CACNG8: variants seen among roughly 807,000 people sequenced by gnomAD.
The protein encoded by CACNG8 is calcium voltage-gated channel auxiliary subunit gamma 8, also known as voltage-dependent calcium channel gamma-8 subunit.
Under a neutral mutation model 26.9 loss-of-function variants are expected in CACNG8, and 5 were observed. That is an observed-to-expected ratio of 0.19 (90% CI 0.10 to 0.39). CACNG8 has a LOEUF of 0.39. Among genes scored for constraint, CACNG8 ranks in the 10% least tolerant of loss-of-function variants. The probability of loss-of-function intolerance (pLI) is 1.00; values close to 1 mark genes in which losing one functional copy is unlikely to be tolerated. For missense variants in CACNG8, 473 were observed against 609.4 expected (o/e 0.78, Z 2.36); for synonymous variants, 321 against 296.7 (o/e 1.08, Z -0.84).
intron 3 of CACNG8, among the ~76,000 whole-genome samples, chr19:53,981,684 G>T (rs945463081): frequency 3.9e-5 from 6 of 152,106 alleles, no homozygotes; most frequent in Admixed American, 2.0e-4. Flanking sequence ...ACCATCTGAG[G>T]GGGTGCTTGA....
At chr19:53,963,478 C>T in intron 1 of CACNG8, 53 bp downstream of exon 1, 1 of 1,408,176 alleles carries the variant, frequency 7.1e-7, no homozygotes, top group Non-Finnish European at 9.2e-7. Flanking sequence ...TCCGAGAGAC[C>T]CTGAGCCTCC....
Position 53,979,815 on chromosome 19 carries a change from G to A in CACNG8, c.368-52G>A, listed in dbSNP as rs376113946. 8.7e-5 allele frequency: 132 copies of A among 1,511,280 alleles called. No individual in the cohort carries two copies. The African/African-American group carries it at 1.8e-3, about 21-fold the overall frequency. 93.6% of individuals were successfully genotyped at this position (1,511,280 alleles called of 1,614,324 possible). On this transcript the variant is annotated intron_variant, in intron 2 of 3. Transcript: ENST00000270458. Reference sequence around the variant, plus strand: ...GGCCGGGAAGGGGGCGCAGGCGGCCGCGTCTGACCGCCCTCGCTCTCCCTC... The same window carrying A: ...GGCCGGGAAGGGGGCGCAGGCGGCCACGTCTGACCGCCCTCGCTCTCCCTC...
rs2069397690 is a variant in CACNG8 at position 53,984,880 on chromosome 19, G to A, written c.*2031G>A. ...AGGGAGGAGGACCATTTGACTCCAA[G>A]AGTTCGAGGCTGCAGTGAGCTAGGA... On this transcript the variant is annotated 3_prime_UTR_variant, in exon 4 of 4. Coordinates refer to ENST00000270458, the MANE Select transcript of CACNG8 (RefSeq NM_031895.6). 6.6e-6 allele frequency: 1 copy of A among 152,356 alleles called. No individual in the cohort carries two copies. Among genetic ancestry groups the A allele is most frequent in the East Asian group, 1.9e-4 (1 of 5,180 alleles). The allele number at this position is 152,356 out of a possible 1,614,324, so 9.4% of individuals were successfully genotyped here.
intron 1 of CACNG8, among the ~76,000 whole-genome samples, chr19:53,977,799 C>T (rs1294542828): frequency 6.6e-6 from 1 of 152,192 alleles, no homozygotes; most frequent in Non-Finnish European, 1.5e-5. Context: ...GCCAACAACA[C>T]CCTCTTTCTT....
At chr19:53,980,028 G>T (rs2069354813) in intron 3 of CACNG8, 21 bp downstream of exon 3, 1 of 1,588,712 alleles carries the variant, frequency 6.3e-7, no homozygotes. Flanking sequence ...GAGGGAGGGG[G>T]CGACCGGGGC....
At chr19:53,980,487 C>A (rs551744344) in intron 3 of CACNG8, among the ~76,000 whole-genome samples, 1 of 151,856 alleles carries the variant, frequency 6.6e-6, no homozygotes, top group South Asian at 2.1e-4. Context: ...TTTGGTGGAT[C>A]CAAGAGGGGG....
At position 53,984,353 on chromosome 19, in the gene CACNG8, G is replaced by A. The variant is rs1332831199; in HGVS notation, c.*1504G>A. 1.3e-5 allele frequency: 2 copies of A among 152,246 alleles called. No homozygotes were observed. The highest frequency in any genetic ancestry group is 2.9e-5 in the Non-Finnish European group (2 of 68,078). 9.4% of individuals were successfully genotyped at this position (152,246 alleles called of 1,614,324 possible). A position where few individuals can be genotyped will look rare whatever the true frequency, so the allele number is the denominator to read the frequency against. On this transcript the variant is annotated 3_prime_UTR_variant, in exon 4 of 4. Transcript: ENST00000270458. ...GGCAGGGCAATCGGTGCTGGAACCC[G>A]GACCACCGTGGGTACCGTGGCACAC... is the stretch of plus-strand genomic sequence containing the variant.
intron 1 of CACNG8, among the ~76,000 whole-genome samples, chr19:53,972,651 C>T (rs531526785): frequency 3.6e-4 from 54 of 151,824 alleles, no homozygotes; most frequent in Admixed American, 6.6e-4. Flanking sequence ...CGTGAGCCAC[C>T]GCGCCTGGGC....
chr19:53,964,329 C>T (rs888404803), intron 1 of CACNG8, among the ~76,000 whole-genome samples: 3 of 151,750 alleles, frequency 2.0e-5, no homozygotes, highest in South Asian at 2.1e-4. Flanking sequence ...TGCCTTAACT[C>T]GCCCTCACTC....
chr19:53,981,935 G>C (rs2069370993), intron 3 of CACNG8, 145 bp from the exon 4 acceptor site: 17 of 758,864 alleles, frequency 2.2e-5, no homozygotes, highest in Non-Finnish European at 2.9e-5. Context: ...GATCCAGGAC[G>C]GGGGTCTAGA....
At chr19:53,966,893 G>A (rs944532926) in intron 1 of CACNG8, among the ~76,000 whole-genome samples, 1 of 152,160 alleles carries the variant, frequency 6.6e-6, no homozygotes, top group Non-Finnish European at 1.5e-5. Flanking sequence ...GCAGGGTTTG[G>A]GAAGTTGTTT....
rs1175392728 is a variant in CACNG8 at position 53,988,143 on chromosome 19, C to T, written c.*5294C>T. ...GCAGAGTGACCATTAGGTCTGATGACATGGACAGGGTTGGTGATCTTGATA... is the reference window on the plus strand; with the variant it reads ...GCAGAGTGACCATTAGGTCTGATGATATGGACAGGGTTGGTGATCTTGATA... On this transcript the variant is annotated 3_prime_UTR_variant, in exon 4 of 4. Coordinates refer to ENST00000270458, the MANE Select transcript of CACNG8 (RefSeq NM_031895.6). 6.6e-6 allele frequency: 1 copy of T among 152,142 alleles called. No homozygotes were observed. The allele number at this position is 152,142 out of a possible 1,614,324, so 9.4% of individuals were successfully genotyped here.
intron 3 of CACNG8, 78 bp downstream of exon 3, chr19:53,980,085 T>TGTGTGTGTGC (rs773734452): frequency 9.9e-6 from 10 of 1,012,190 alleles, no homozygotes; most frequent in South Asian, 9.4e-5. Flanking sequence ...TGTGTGTGTG[T>TGTGTGTGTGC]GCGCGCGCGC....
At chr19:53,979,793 C>T (rs1485258692) in intron 2 of CACNG8, 74 bp from the exon 3 acceptor site, 27 of 1,471,480 alleles carry the variant, frequency 1.8e-5, no homozygotes, top group Non-Finnish European at 2.4e-5. Context: ...GATGGGGGGC[C>T]GGGAAGGGGG....
intron 1 of CACNG8, among the ~76,000 whole-genome samples, chr19:53,965,649 T>G (rs1490201129): frequency 2.6e-5 from 4 of 151,902 alleles, no homozygotes; most frequent in Non-Finnish European, 4.4e-5. Context: ...GCTGCAGCAG[T>G]GGAAAACAAA....
In CACNG8 at chr19:53,963,330, A is replaced by G. The variant is rs1418814262; in HGVS notation, c.188A>G (p.Asp63Gly). ...ACCAACCTCACGGCCGGCGGCGACG[A>G]CGGGACCCCCCACCGCGGGGGCGGC... The change falls in exon 1 of 4, where the codon GAC becomes GGC. Residue 63 changes from aspartate to glycine, a missense_variant. Around this residue, in one of 6 missense-constraint regions of CACNG8, gnomAD observed 69 missense variants for 66.7 expected, o/e 1.03. Coordinates refer to ENST00000270458, the MANE Select transcript of CACNG8 (RefSeq NM_031895.6). The G allele has an allele frequency of 1.9e-6, 3 of 1,600,496 alleles. No individual in the cohort carries two copies. The highest frequency in any genetic ancestry group is 2.2e-5 in the South Asian group (2 of 90,574).
In CACNG8 at chr19:53,986,049, CAG is replaced by C. The variant is rs1302495019; in HGVS notation, c.*3204_*3205del. The C allele has an allele frequency of 6.6e-6, 1 of 151,524 alleles. No individual in the cohort carries two copies. The highest frequency in any genetic ancestry group is 6.6e-5 in the Admixed American group (1 of 15,154). 9.4% of individuals were successfully genotyped at this position (151,524 alleles called of 1,614,324 possible). A position where few individuals can be genotyped will look rare whatever the true frequency, so the allele number is the denominator to read the frequency against. On this transcript the variant is annotated 3_prime_UTR_variant, in exon 4 of 4. Transcript: ENST00000270458. ...GAGACCAAACTAGTAGAGTCACAGA[CAG>C]AGAAAAAGTCAAAGACAGGAAGGTG... is the stretch of plus-strand genomic sequence containing the variant.
intron 2 of CACNG8, among the ~76,000 whole-genome samples, chr19:53,979,265 G>A (rs1014538390): frequency 1.2e-4 from 17 of 146,822 alleles, no homozygotes; most frequent in African/African-American, 4.0e-4. Flanking sequence ...AGGGGAGACA[G>A]AGCCAGAAAG....
intron 1 of CACNG8, among the ~76,000 whole-genome samples, chr19:53,965,917 A>G (rs990180727): frequency 7.2e-5 from 11 of 152,050 alleles, no homozygotes; most frequent in African/African-American, 2.4e-4. Context: ...GACTGTAGGA[A>G]TAGCAGGCGC....
Sources: gnomAD v4.1 joint callset for allele counts (sites outside exome capture counted in the v4.1 genomes callset) on GRCh38, gnomAD v4.1.1 for gene constraint, gnomAD v4.1.1 regional missense constraint, MANE v1.5 for transcripts, NCBI Gene and HGNC (gene_info 2026-07-23, HGNC 2026-07-21) for gene names.